TRIOBP: variants seen among roughly 807,000 people sequenced by gnomAD.
The protein encoded by TRIOBP is TRIO and F-actin binding protein.
TRIOBP carries 169 observed loss-of-function variants against 238.8 expected under a neutral mutation model. That is an observed-to-expected ratio of 0.71 (90% CI 0.62 to 0.80). The LOEUF (loss-of-function observed/expected upper bound fraction) is 0.80. TRIOBP is among the 30% of genes least tolerant of loss of function. The pLI, the probability that TRIOBP is intolerant of heterozygous loss-of-function variation, is 0.00. For synonymous variants in TRIOBP, 1,150 were observed against 1,274.4 expected, an observed-to-expected ratio of 0.90 and a Z score of 2.08; for missense variants, 2,838 against 3,122.6, an observed-to-expected ratio of 0.91 and a Z score of 2.17.
rs891768566 is a variant in TRIOBP, at chr22:37,723,554, C to T, written c.998C>T (p.Ser333Leu). Residue 333 changes from serine to leucine, a missense_variant, in exon 7 of 24, where the codon TCA (serine) becomes TTA (leucine). Ser to Leu is a moderately radical substitution (Grantham distance 145). Transcript: ENST00000644935. ...SSTQEDTPRA[S>L]STQWNTPRAS... ...ACCCAAGAGGACACCCCCAGGGCCT[C>T]ATCTACACAGTGGAACACCCCCAGA... The T allele has an allele frequency of 2.5e-6, 4 of 1,611,834 alleles. No individual in the cohort carries two copies. The African/African-American group carries it at 4.1e-5, about 16-fold the overall frequency.
At chr22:37,742,025 TC>T (rs1252476014) in intron 11 of TRIOBP, among the ~76,000 whole-genome samples, 1 of 152,204 alleles carries the variant, frequency 6.6e-6, no homozygotes, top group East Asian at 1.9e-4. Flanking sequence ...TGGCACCATC[TC>T]TACTCACTGC....
At chr22:37,698,727 C>G (rs1213856778) in intron 2 of TRIOBP, among the ~76,000 whole-genome samples, 1 of 152,074 alleles carries the variant, frequency 6.6e-6, no homozygotes, top group Non-Finnish European at 1.5e-5. Flanking sequence ...GTCCCAGTTA[C>G]TCAGTCCCAG....
Position 37,725,295 on chromosome 22 carries a change from A to C in TRIOBP, c.2739A>C (p.Pro913=). The stretch of plus-strand genomic sequence containing the variant: ...CCTGGGCCTCGTTTCCCCTCCGGCC[A>C]ACTCAGAGTGATGGTCCCCGAACCT... ...DIPWASFPLR[P]TQSDGPRTSS... Residue 913 remains proline, a synonymous_variant, in exon 7 of 24, where the codon CCA becomes CCC. Transcript: ENST00000644935. 2 of 1,613,846 alleles carry C rather than the reference A, an allele frequency of 1.2e-6. No homozygotes were observed. Among genetic ancestry groups the C allele is most frequent in the Non-Finnish European group, 1.7e-6 (2 of 1,179,990 alleles).
At chr22:37,765,002 G>T (rs1433022972) in intron 17 of TRIOBP, among the ~76,000 whole-genome samples, 2 of 152,188 alleles carry the variant, frequency 1.3e-5, no homozygotes, top group Non-Finnish European at 2.9e-5. Context: ...AACATTCCAG[G>T]CCGGGCACAG....
At chr22:37,770,707 C>G (rs185573110) in intron 21 of TRIOBP, among the ~76,000 whole-genome samples, 1 of 142,286 alleles carries the variant, frequency 7.0e-6, no homozygotes, top group African/African-American at 2.6e-5. Context: ...TTTTTTGAGA[C>G]GGAGTCACTC....
intron 11 of TRIOBP, among the ~76,000 whole-genome samples, chr22:37,745,352 A>G (rs576331238): frequency 2.0e-5 from 3 of 152,066 alleles, no homozygotes; most frequent in Non-Finnish European, 4.4e-5. Context: ...CCCATTTTAC[A>G]GAGAGTGAAA....
Position 37,713,283 on chromosome 22 carries a change from G to A in TRIOBP, c.328G>A (p.Glu110Lys), listed in dbSNP as rs745434873. ...CCCCAGGAGCAGGAGCCGGGAGCTT[G>A]AGGCAGTACCCTATCTGGAGGGCCT... ...AAPRSRSREL[E>K]AVPYLEGLTT... The change falls in exon 5 of 24, where the codon GAG becomes AAG. Residue 110 changes from glutamate (E) to lysine (K), a missense_variant. By Grantham distance (56) the Glu-to-Lys change is moderately conservative. Coordinates refer to ENST00000644935, the MANE Select transcript of TRIOBP (RefSeq NM_001039141.3). The A allele has an allele frequency of 6.2e-6, 10 of 1,613,866 alleles. No individual in the cohort carries two copies. Among genetic ancestry groups the A allele is most frequent in the Non-Finnish European group, 8.5e-6 (10 of 1,179,902 alleles).
chr22:37,754,081 G>A (rs1925775223), intron 12 of TRIOBP, among the ~76,000 whole-genome samples: 1 of 152,160 alleles, frequency 6.6e-6, no homozygotes, highest in South Asian at 2.1e-4. Context: ...GCTCTCACCT[G>A]CTGCGGATGT....
Position 37,725,271 on chromosome 22 carries a change from C to T in TRIOBP, c.2715C>T (p.Pro905=), listed in dbSNP as rs781134029. The change falls in exon 7 of 24, where the codon CCC becomes CCT. Residue 905 remains proline (P), a synonymous_variant. Transcript: ENST00000644935. ...CCCATCGTACTAACAAAGACATCCC[C>T]TGGGCCTCGTTTCCCCTCCGGCCAA... is the stretch of plus-strand genomic sequence containing the variant. ...SSPHRTNKDI[P]WASFPLRPTQ... The T allele has an allele frequency of 2.0e-5, 33 of 1,613,930 alleles. No homozygotes were observed. The highest frequency in any genetic ancestry group is 2.5e-5 in the Non-Finnish European group (29 of 1,180,030).
rs114186931 is a variant in TRIOBP at position 37,735,983 on chromosome 22, C to T, written c.5106+541C>T. Among the ~76,000 whole-genome samples, 419 of 152,330 alleles carry T rather than the reference C, an allele frequency of 2.8e-3. 3 individuals are homozygous for T. The highest frequency in any genetic ancestry group is 9.7e-3 in the African/African-American group (404 of 41,576). ...CAGGTACCTGAGTCCAGGACAGCCTCGCTTACCCTCTCTGGCCCCTACAGC... is the reference window on the plus strand; with the variant it reads ...CAGGTACCTGAGTCCAGGACAGCCTTGCTTACCCTCTCTGGCCCCTACAGC... On this transcript the variant is annotated intron_variant, in intron 9 of 23. Transcript: ENST00000644935.
chr22:37,704,024 A>G (rs571438869), intron 3 of TRIOBP, among the ~76,000 whole-genome samples: 64 of 152,230 alleles, frequency 4.2e-4, no homozygotes, highest in African/African-American at 1.5e-3. Flanking sequence ...TCAGCTCACA[A>G]ATTCATACGT....
chr22:37,740,295 G>T (rs371765932), intron 10 of TRIOBP, among the ~76,000 whole-genome samples: 1 of 152,346 alleles, frequency 6.6e-6, no homozygotes, highest in East Asian at 1.9e-4. Flanking sequence ...TTTCCCCAAC[G>T]AGGATGACTC....
At chr22:37,765,125 A>G (rs771640205) in intron 17 of TRIOBP, among the ~76,000 whole-genome samples, 11 of 152,204 alleles carry the variant, frequency 7.2e-5, no homozygotes, top group Non-Finnish European at 5.9e-5. Context: ...TACTAAAAAT[A>G]CAAAAATTAG....
At chr22:37,746,690 C>T (rs907295852) in intron 11 of TRIOBP, among the ~76,000 whole-genome samples, 1 of 152,260 alleles carries the variant, frequency 6.6e-6, no homozygotes, top group African/African-American at 2.4e-5. Context: ...CGGGCGCCCC[C>T]TCCTCACACT....
chr22:37,704,832 C>T (rs1016723242), intron 3 of TRIOBP, among the ~76,000 whole-genome samples: 8 of 150,346 alleles, frequency 5.3e-5, no homozygotes, highest in East Asian at 2.0e-4. Context: ...ATTGAGGCAC[C>T]GAAGCAGGAA....
At position 37,697,652 on chromosome 22, in the gene TRIOBP, C is replaced by T. The variant is rs1439646073; in HGVS notation, c.-105C>T. ...GGAGGAGGTGAAATTCCTCAGCTCT[C>T]CACCAAGATTGGCCACAAAAGCCTG... On this transcript the variant is annotated 5_prime_UTR_variant, in exon 2 of 24. Coordinates refer to ENST00000644935, the MANE Select transcript of TRIOBP (RefSeq NM_001039141.3). 6.6e-6 allele frequency: 1 copy of T among 152,302 alleles called. No homozygotes were observed. The highest frequency in any genetic ancestry group is 1.5e-5 in the Non-Finnish European group (1 of 68,112). The allele number at this position is 152,302 out of a possible 1,614,324, so 9.4% of individuals were successfully genotyped here.
At chr22:37,735,884 G>C (rs1924646864) in intron 9 of TRIOBP, among the ~76,000 whole-genome samples, 1 of 152,188 alleles carries the variant, frequency 6.6e-6, no homozygotes, top group African/African-American at 2.4e-5. Context: ...GGTTTATGTT[G>C]TGTCTGGTGG....
At chr22:37,726,999 T>C (rs1166701976) in intron 7 of TRIOBP, among the ~76,000 whole-genome samples, 4 of 151,568 alleles carry the variant, frequency 2.6e-5, no homozygotes, top group African/African-American at 9.7e-5. Flanking sequence ...CTCCACCTCC[T>C]GGGTTCAAGC....
chr22:37,703,747 C>T (rs749958742), intron 3 of TRIOBP, among the ~76,000 whole-genome samples: 1 of 151,144 alleles, frequency 6.6e-6, no homozygotes, highest in Admixed American at 6.6e-5. Context: ...CCTCGTTATT[C>T]GCCCACCTCG....
Sources: allele counts gnomAD v4.1 joint callset (sites outside exome capture counted in the v4.1 genomes callset), GRCh38; gene constraint gnomAD v4.1.1; transcripts MANE v1.5; gene names NCBI Gene and HGNC (gene_info 2026-07-23, HGNC 2026-07-21).